The following GABRB1 variants were observed in gnomAD, a reference collection of about 807,000 sequenced individuals.
GABRB1 encodes gamma-aminobutyric acid type A receptor subunit beta1.
In GABRB1, 17 loss-of-function variants were observed where a neutral mutation model predicts 51.6. That is an observed-to-expected ratio of 0.33 (90% CI 0.23 to 0.49). The LOEUF is 0.49. Ranked by LOEUF, GABRB1 falls within the 20% of genes least tolerant of loss-of-function variation. The pLI, the probability that GABRB1 is intolerant of heterozygous loss-of-function variation, is 0.99. For synonymous variants in GABRB1, 247 were observed against 218.9 expected, an observed-to-expected ratio of 1.13 and a Z score of -1.14; for missense variants, 410 against 600.6, an observed-to-expected ratio of 0.68 and a Z score of 3.32.
intron 7 of GABRB1, among the ~76,000 whole-genome samples, chr4:47,405,440 C>T (rs1488894256): frequency 6.6e-6 from 1 of 152,108 alleles, no homozygotes; most frequent in Non-Finnish European, 1.5e-5. Context: ...TACTTTCTGA[C>T]TTTATTTTTA....
chr4:47,367,407 A>G (rs1297201034), intron 5 of GABRB1, among the ~76,000 whole-genome samples: 1 of 152,204 alleles, frequency 6.6e-6, no homozygotes, highest in Non-Finnish European at 1.5e-5. Context: ...GGCTAAAGTC[A>G]AAGCTTATTC....
chr4:47,070,013 T>G lies in GABRB1; in HGVS notation c.240+37529T>G, dbSNP rs995714829. 2.6e-4 allele frequency among the ~76,000 whole-genome samples: 39 copies of G among 151,746 alleles called. 1 individual carries two copies. The highest frequency in any genetic ancestry group is 1.3e-4 in the Non-Finnish European group (9 of 67,906). On this transcript the variant is annotated intron_variant, in intron 3 of 8. Transcript: ENST00000295454. ...TGAAAATATTGCACTTGCCCTTCTT[T>G]TTCGTTGTTGCTGTTTTTTTTTTTC...
At chr4:47,408,058 C>T (rs1340158928) in intron 8 of GABRB1, among the ~76,000 whole-genome samples, 1 of 152,116 alleles carries the variant, frequency 6.6e-6, no homozygotes, top group Non-Finnish European at 1.5e-5. Context: ...CGCCACTGCA[C>T]CCCAGTCTGG....
intron 4 of GABRB1, among the ~76,000 whole-genome samples, chr4:47,264,026 C>CA (rs1722553661): frequency 1.3e-5 from 2 of 151,878 alleles, no homozygotes; most frequent in Admixed American, 1.3e-4. Context: ...CCTGTAGTCC[C>CA]AGCTACTCAG....
intron 3 of GABRB1, among the ~76,000 whole-genome samples, chr4:47,085,592 T>G (rs894519138): frequency 4.6e-5 from 7 of 152,188 alleles, no homozygotes; most frequent in African/African-American, 1.4e-4. Flanking sequence ...AAAATCTCAC[T>G]TCTCAACAGA....
intron 3 of GABRB1, among the ~76,000 whole-genome samples, chr4:47,091,737 T>C (rs1728302475): frequency 1.3e-5 from 2 of 152,188 alleles, no homozygotes; most frequent in South Asian, 4.1e-4. Context: ...TTGTAGTGGA[T>C]TTTAAGATAA....
rs571388019 is a variant in GABRB1 at position 47,369,453 on chromosome 4, AC to A, written c.545-33864del. Among the ~76,000 whole-genome samples, 287 of 152,148 alleles carry A rather than the reference AC, an allele frequency of 1.9e-3. 1 individual carries two copies. The highest frequency in any genetic ancestry group is 6.6e-3 in the African/African-American group (273 of 41,498). On this transcript the variant is annotated intron_variant, in intron 5 of 8. Transcript: ENST00000295454. Reference sequence around the variant, plus strand: ...TCTATTTACACACACACACACACACACACACACACTCATTTCTACAAAATAG... The same window carrying A: ...TCTATTTACACACACACACACACACAACACACACTCATTTCTACAAAATAG...
chr4:47,271,498 A>G (rs1430384485), intron 4 of GABRB1, among the ~76,000 whole-genome samples: 4 of 152,130 alleles, frequency 2.6e-5, no homozygotes. Flanking sequence ...GTTGGCCACC[A>G]TCCAATATGG....
At position 47,167,411 on chromosome 4, in the gene GABRB1, A is replaced by C. The variant is rs957025743; in HGVS notation, c.461+5942A>C. Among the ~76,000 whole-genome samples, 316 of 152,186 alleles carry C rather than the reference A, an allele frequency of 2.1e-3. 3 individuals are homozygous for C. Among genetic ancestry groups the C allele is most frequent in the African/African-American group, 7.4e-3 (309 of 41,522 alleles). ...AGTGGAGCATTTAACCTCCTTGAAA[A>C]AAAAAATGCCTTTTTAAATTTTTTG... is the stretch of plus-strand genomic sequence containing the variant. On this transcript the variant is annotated intron_variant, in intron 4 of 8. Coordinates refer to ENST00000295454, the MANE Select transcript of GABRB1 (RefSeq NM_000812.4).
chr4:47,300,332 T>C (rs1221253528), intron 4 of GABRB1, among the ~76,000 whole-genome samples: 1 of 152,142 alleles, frequency 6.6e-6, no homozygotes, highest in Non-Finnish European at 1.5e-5. Context: ...ATTAATTAAG[T>C]TCAATATCAG....
At chr4:47,137,910 C>A (rs995756175) in intron 3 of GABRB1, among the ~76,000 whole-genome samples, 1 of 151,972 alleles carries the variant, frequency 6.6e-6, no homozygotes, top group African/African-American at 2.4e-5. Flanking sequence ...TAATTTGATA[C>A]AAATAGAAGT....
chr4:47,035,937 G>C (rs1310540184), intron 3 of GABRB1, among the ~76,000 whole-genome samples: 1 of 152,114 alleles, frequency 6.6e-6, no homozygotes, highest in East Asian at 1.9e-4. Flanking sequence ...TACCAAGTAG[G>C]AGTTCCAACC....
At chr4:47,316,418 TTTA>T (rs1158037667) in intron 4 of GABRB1, among the ~76,000 whole-genome samples, 2 of 151,984 alleles carry the variant, frequency 1.3e-5, no homozygotes, top group Non-Finnish European at 2.9e-5. Context: ...GGATTTCATT[TTTA>T]TGGCTGACTA....
chr4:47,285,471 A>G (rs1183146417), intron 4 of GABRB1, among the ~76,000 whole-genome samples: 1 of 152,236 alleles, frequency 6.6e-6, no homozygotes, highest in African/African-American at 2.4e-5. Context: ...CAACTTATTT[A>G]TAGTATCCGG....
At chr4:47,054,854 G>A (rs1726518214) in intron 3 of GABRB1, among the ~76,000 whole-genome samples, 1 of 152,186 alleles carries the variant, frequency 6.6e-6, no homozygotes, top group Admixed American at 6.5e-5. Context: ...CAAAGTGCTG[G>A]GATTACAGGC....
At chr4:47,281,573 T>C (rs1280793528) in intron 4 of GABRB1, among the ~76,000 whole-genome samples, 1 of 152,156 alleles carries the variant, frequency 6.6e-6, no homozygotes, top group Non-Finnish European at 1.5e-5. Context: ...TAAATCAGTA[T>C]GTTGAAGAGA....
intron 3 of GABRB1, among the ~76,000 whole-genome samples, chr4:47,138,331 G>A (rs553877445): frequency 3.3e-5 from 5 of 152,024 alleles, no homozygotes; most frequent in Non-Finnish European, 5.9e-5. Flanking sequence ...AATTCAGCTC[G>A]ATCAATGTAG....
At chr4:47,248,156 C>G (rs888129205) in intron 4 of GABRB1, among the ~76,000 whole-genome samples, 1 of 151,934 alleles carries the variant, frequency 6.6e-6, no homozygotes. Flanking sequence ...GTGGGTTTGT[C>G]AGGGATGGCT....
chr4:47,270,243 G>C (rs535590377), intron 4 of GABRB1, among the ~76,000 whole-genome samples: 51 of 152,302 alleles, frequency 3.3e-4, no homozygotes, highest in Admixed American at 7.8e-4. Context: ...AAGCTTACCT[G>C]TGCATTATAA....
Sources: gnomAD v4.1 joint callset for allele counts (sites outside exome capture counted in the v4.1 genomes callset) on GRCh38, gnomAD v4.1.1 for gene constraint, MANE v1.5 for transcripts, NCBI Gene and HGNC (gene_info 2026-07-23, HGNC 2026-07-21) for gene names.